NPTX1: variants seen among roughly 807,000 people sequenced by gnomAD.
The protein encoded by NPTX1 is neuronal pentraxin-1.
In NPTX1, 12 loss-of-function variants were observed where a neutral mutation model predicts 38.7. That is an observed-to-expected ratio of 0.31 (90% CI 0.20 to 0.50). NPTX1 has a LOEUF of 0.50. Among genes scored for constraint, NPTX1 ranks in the 20% least tolerant of loss-of-function variants. NPTX1 has a pLI of 0.98. For missense variants in NPTX1, 454 were observed against 592.2 expected (o/e 0.77, Z 2.42); for synonymous variants, 272 against 264.9 (o/e 1.03, Z -0.26).
rs2083872928 is a variant in NPTX1 at position 80,475,358 on chromosome 17, G to C, written c.652+153C>G. 6.6e-6 allele frequency among the ~76,000 whole-genome samples: 1 copy of C among 152,198 alleles called. No homozygotes were observed. Among genetic ancestry groups the C allele is most frequent in the African/African-American group, 2.4e-5 (1 of 41,452 alleles). On this transcript the variant is annotated intron_variant, in intron 2 of 4. Transcript: ENST00000306773. This position sits in a 1 kb window ranked among gnomAD's most constrained non-coding sequence, Gnocchi z 6.5. ...ACTAGAAGCCCAGAACCTGGGAAGG[G>C]GTGCGGGGAATGAGAAAGCGGTGCA...
At position 80,467,126 on chromosome 17, in the gene NPTX1, C is replaced by CTTTTTTTT. The variant is rs57367856; in HGVS notation, c.*3679_*3686dup. The CTTTTTTTT allele has an allele frequency of 1.3e-5, 1 of 79,104 alleles. No homozygotes were observed. Among genetic ancestry groups the CTTTTTTTT allele is most frequent in the East Asian group, 3.9e-4 (1 of 2,578 alleles). 4.9% of individuals were successfully genotyped at this position (79,104 alleles called of 1,614,324 possible). A position where few individuals can be genotyped will look rare whatever the true frequency, so the allele number is the denominator to read the frequency against. On this transcript the variant is annotated 3_prime_UTR_variant, in exon 5 of 5. Coordinates refer to ENST00000306773, the MANE Select transcript of NPTX1 (RefSeq NM_002522.4). ...AACAATATCAACCATAGGGGGTTTGCTTTTTTTTTTTTTTTTTTTTTGGCA... is the reference window on the plus strand; with the variant it reads ...AACAATATCAACCATAGGGGGTTTGCTTTTTTTTTTTTTTTTTTTTTTTTTTTTTGGCA...
Position 80,476,535 on chromosome 17 carries a change from G to C in NPTX1, c.-89C>G. 1.4e-6 allele frequency: 1 copy of C among 730,790 alleles called. No individual in the cohort carries two copies. Among genetic ancestry groups the C allele is most frequent in the Non-Finnish European group, 1.7e-6 (1 of 592,428 alleles). The allele number at this position is 730,790 out of a possible 1,614,324, so 45.3% of individuals were successfully genotyped here. On this transcript the variant is annotated 5_prime_UTR_variant, in exon 1 of 5. Transcript: ENST00000306773. This position sits in a 1 kb window ranked among gnomAD's most constrained non-coding sequence, Gnocchi z 6.3. ...CCCGGCTCGGGCTGTGGCTCCGCGA[G>C]CGGCCCGCGCTCTGGGCGCCGCGCT...
chr17:80,470,915 G>A lies in NPTX1; in HGVS notation c.1197C>T (p.Thr399=). The part of the protein sequence containing the change: ...GEVYNLATCS[T]KALSGNVIAW... ...CGATGACATTGCCGGACAGAGCCTT[G>A]GTGCTGCAGGTGGCCAGGTTGTACA... The change falls in exon 5 of 5, where the codon ACC becomes ACT. Residue 399 remains threonine (T), a synonymous_variant. Coordinates refer to ENST00000306773, the MANE Select transcript of NPTX1 (RefSeq NM_002522.4). 2 of 1,613,742 alleles carry A rather than the reference G, an allele frequency of 1.2e-6. No individual in the cohort carries two copies. Among genetic ancestry groups the A allele is most frequent in the East Asian group, 4.5e-5 (2 of 44,866 alleles).
chr17:80,472,833 C>A (rs1488468725), intron 3 of NPTX1, among the ~76,000 whole-genome samples: 1 of 152,218 alleles, frequency 6.6e-6, no homozygotes, highest in Non-Finnish European at 1.5e-5. Flanking sequence ...GACCCCTCAC[C>A]CCGCTAGAGC....
rs1343578850 is a variant in NPTX1 at position 80,468,813 on chromosome 17, G to A, written c.*2000C>T. 6.6e-6 allele frequency: 1 copy of A among 152,308 alleles called. No individual in the cohort carries two copies. The highest frequency in any genetic ancestry group is 1.5e-5 in the Non-Finnish European group (1 of 68,116). 9.4% of individuals were successfully genotyped at this position (152,308 alleles called of 1,614,324 possible). A position where few individuals can be genotyped will look rare whatever the true frequency, so the allele number is the denominator to read the frequency against. ...CAGAACCGGGGCAGTCCATGCAGGT[G>A]CGGGAACACATGTCGGACCCAGGGA... On this transcript the variant is annotated 3_prime_UTR_variant, in exon 5 of 5. Transcript: ENST00000306773.
chr17:80,473,690 C>T (rs1038102245), intron 2 of NPTX1: 40 of 540,612 alleles, frequency 7.4e-5, no homozygotes, highest in Non-Finnish European at 1.3e-4. Context: ...CATGTGCTGG[C>T]ATCCTTGGGG....
Position 80,475,672 on chromosome 17 carries a change from T to A in NPTX1, c.491A>T (p.Asp164Val). The change falls in exon 2 of 5, where the codon GAT becomes GTT. Residue 164 changes from aspartate (D) to valine (V), a missense_variant. Asp to Val is a radical substitution (Grantham distance 152). Around this residue, in one of 4 missense-constraint regions of NPTX1, gnomAD observed 288 missense variants for 318.4 expected, o/e 0.90. Transcript: ENST00000306773. This position sits in a 1 kb window ranked among gnomAD's most constrained non-coding sequence, Gnocchi z 6.5. Reference protein sequence around the residue: ...NSSSQTNSLKDLLQSKIDELE... With the variant: ...NSSSQTNSLKVLLQSKIDELE... ...CTCATCGATCTTGCTCTGCAGCAGA[T>A]CCTTGAGGCTGTTGGTCTGGCTGGA... 1.2e-6 allele frequency: 2 copies of A among 1,613,138 alleles called. No homozygotes were observed. Among genetic ancestry groups the A allele is most frequent in the Non-Finnish European group, 1.7e-6 (2 of 1,179,892 alleles).
At position 80,470,239 on chromosome 17, in the gene NPTX1, C is replaced by G. The variant is rs542822695; in HGVS notation, c.*574G>C. The G allele has an allele frequency of 6.6e-6, 1 of 152,422 alleles. No homozygotes were observed. The highest frequency in any genetic ancestry group is 2.1e-4 in the South Asian group (1 of 4,830). The allele number at this position is 152,422 out of a possible 1,614,324, so 9.4% of individuals were successfully genotyped here. On this transcript the variant is annotated 3_prime_UTR_variant, in exon 5 of 5. Transcript: ENST00000306773. ...AAAATTCTCTGTAGAGAGCCCCCGC[C>G]CCCGGCCTTTGACAAACCACTAAAA...
intron 3 of NPTX1, among the ~76,000 whole-genome samples, chr17:80,472,235 C>G (rs913488448): frequency 6.6e-6 from 1 of 152,190 alleles, no homozygotes; most frequent in Admixed American, 6.5e-5. Flanking sequence ...CAGGGAGAGC[C>G]GTCCCTGGTG....
Position 80,467,121 on chromosome 17 carries a change from G to A in NPTX1, c.*3692C>T, listed in dbSNP as rs1005038419. The A allele has an allele frequency of 1.1e-5, 1 of 92,796 alleles. No individual in the cohort carries two copies. Among genetic ancestry groups the A allele is most frequent in the Non-Finnish European group, 2.2e-5 (1 of 45,150 alleles). 5.7% of individuals were successfully genotyped at this position (92,796 alleles called of 1,614,324 possible). The stretch of plus-strand genomic sequence containing the variant: ...ATTATAACAATATCAACCATAGGGG[G>A]TTTGCTTTTTTTTTTTTTTTTTTTT... On this transcript the variant is annotated 3_prime_UTR_variant, in exon 5 of 5. Coordinates refer to ENST00000306773, the MANE Select transcript of NPTX1 (RefSeq NM_002522.4).
Position 80,473,243 on chromosome 17 carries a change from A to G in NPTX1, c.854T>C (p.Ile285Thr), listed in dbSNP as rs552162530. Reference protein sequence around the residue: ...VPGQANELVLIEWGNNPMEIL... With the variant: ...VPGQANELVLTEWGNNPMEIL... ...CTCCATGGGGTTGTTGCCCCACTCA[A>G]TGAGGACCAGCTCGTTGGCCTGGCC... is the stretch of plus-strand genomic sequence containing the variant. The change falls in exon 3 of 5, where the codon ATT (isoleucine) becomes ACT (threonine). Residue 285 changes from isoleucine (I) to threonine (T), a missense_variant. Physicochemically the swap from Ile to Thr is moderately conservative, Grantham distance 89. Coordinates refer to ENST00000306773, the MANE Select transcript of NPTX1 (RefSeq NM_002522.4). 6.8e-6 allele frequency: 11 copies of G among 1,613,774 alleles called. No homozygotes were observed. The highest frequency in any genetic ancestry group is 3.3e-5 in the Admixed American group (2 of 60,026).
At position 80,468,573 on chromosome 17, in the gene NPTX1, G is replaced by T. The variant is rs181785865; in HGVS notation, c.*2240C>A. ...GGGGCTAGATCTGGTCTAGAGAGGC[G>T]ACTCCAAGCTCTCTTGCTGGCTCCC... On this transcript the variant is annotated 3_prime_UTR_variant, in exon 5 of 5. Coordinates refer to ENST00000306773, the MANE Select transcript of NPTX1 (RefSeq NM_002522.4). 6.6e-6 allele frequency: 1 copy of T among 152,258 alleles called. No individual in the cohort carries two copies. The highest frequency in any genetic ancestry group is 2.4e-5 in the African/African-American group (1 of 41,448). 9.4% of individuals were successfully genotyped at this position (152,258 alleles called of 1,614,324 possible).
intron 3 of NPTX1, among the ~76,000 whole-genome samples, chr17:80,472,363 A>G (rs773856937): frequency 2.0e-5 from 3 of 152,044 alleles, no homozygotes; most frequent in Non-Finnish European, 4.4e-5. Context: ...ACTCTACAAC[A>G]CGGCAAGCTT....
chr17:80,473,075 T>C, intron 3 of NPTX1, 125 bp downstream of exon 3: 1 of 895,278 alleles, frequency 1.1e-6, no homozygotes, highest in Non-Finnish European at 1.7e-6. Context: ...CAGTCCCACC[T>C]GGCAAACACT....
At chr17:80,471,076 G>T (rs2083839262) in intron 4 of NPTX1, 42 bp from the exon 5 acceptor site, 2 of 1,480,550 alleles carry the variant, frequency 1.4e-6, no homozygotes. Flanking sequence ...GGGTCGCCAG[G>T]TGGTCTGGGG....
chr17:80,471,195 T>C (rs1024395920), intron 4 of NPTX1, among the ~76,000 whole-genome samples, 161 bp from the exon 5 acceptor site: 1 of 152,088 alleles, frequency 6.6e-6, no homozygotes, highest in Non-Finnish European at 1.5e-5. Context: ...TCTCCAGCCC[T>C]ACATCCATCC....
At position 80,470,933 on chromosome 17, in the gene NPTX1, G is replaced by C. The variant is rs1244143145; in HGVS notation, c.1179C>G (p.Asn393Lys). Residue 393 changes from asparagine to lysine, a missense_variant, in exon 5 of 5, where the codon AAC becomes AAG. Around this residue, in one of 4 missense-constraint regions of NPTX1, gnomAD observed 50 missense variants for 54.0 expected, o/e 0.93. Coordinates refer to ENST00000306773, the MANE Select transcript of NPTX1 (RefSeq NM_002522.4). ...GAGCCTTGGTGCTGCAGGTGGCCAGGTTGTACACCTCCCCGGGGGTCAGCT... is the reference window on the plus strand; with the variant it reads ...GAGCCTTGGTGCTGCAGGTGGCCAGCTTGTACACCTCCCCGGGGGTCAGCT... ...DRKLTPGEVYNLATCSTKALS... is the reference protein window; with the variant it reads ...DRKLTPGEVYKLATCSTKALS... 3.1e-6 allele frequency: 5 copies of C among 1,613,838 alleles called. No individual in the cohort carries two copies. Among genetic ancestry groups the C allele is most frequent in the Non-Finnish European group, 4.2e-6 (5 of 1,179,784 alleles).
rs1020320271 is a variant in NPTX1, at chr17:80,470,795, C to T, written c.*18G>A. 3.2e-6 allele frequency: 5 copies of T among 1,545,766 alleles called. No individual in the cohort carries two copies. The highest frequency in any genetic ancestry group is 1.2e-5 in the South Asian group (1 of 86,058). On this transcript the variant is annotated 3_prime_UTR_variant, in exon 5 of 5. Transcript: ENST00000306773. Reference sequence around the variant, plus strand: ...AGCAGGGGGCGAGGGCGGGCGGGCTCAGCCTGGCCTGCCGTGCTCAGTTGA... The same window carrying T: ...AGCAGGGGGCGAGGGCGGGCGGGCTTAGCCTGGCCTGCCGTGCTCAGTTGA...
rs1357735308 is a variant in NPTX1, at chr17:80,473,190, G to A, written c.897+10C>T. The A allele has an allele frequency of 6.2e-7, 1 of 1,610,798 alleles. No homozygotes were observed. The highest frequency in any genetic ancestry group is 8.5e-7 in the Non-Finnish European group (1 of 1,179,234). ...GCCCTGCCGCCCTGTGAGCCCGGGG[G>A]CTGCTCTACCTTGTCATTGATGAGG... is the stretch of plus-strand genomic sequence containing the variant. On this transcript the variant is annotated intron_variant, in intron 3 of 4. Coordinates refer to ENST00000306773, the MANE Select transcript of NPTX1 (RefSeq NM_002522.4).
Sources: gnomAD v4.1 joint callset for allele counts (sites outside exome capture counted in the v4.1 genomes callset) on GRCh38, gnomAD v4.1.1 for gene constraint, gnomAD v4.1.1 regional missense constraint, Gnocchi (gnomAD v3.1) non-coding constraint, MANE v1.5 for transcripts, NCBI Gene and HGNC (gene_info 2026-07-23, HGNC 2026-07-21) for gene names.